Variants in PTH2R observed in about 807,000 individuals in gnomAD.
The protein encoded by PTH2R is parathyroid hormone 2 receptor.
In PTH2R, 59 loss-of-function variants were observed where a neutral mutation model predicts 60.3. That is an observed-to-expected ratio of 0.98 (90% confidence interval 0.79 to 1.22). The LOEUF (loss-of-function observed/expected upper bound fraction) is 1.22, where lower values mean the gene tolerates loss of function less well. Ranked by LOEUF, PTH2R falls within the 50% of genes most tolerant of loss-of-function variation. PTH2R has a pLI of 0.00. For missense variants in PTH2R, 749 were observed against 682.6 expected, an observed-to-expected ratio of 1.10 and a Z score of -1.08; for synonymous variants, 256 against 243.8, an observed-to-expected ratio of 1.05 and a Z score of -0.47.
chr2:208,395,841 C>T (rs1410655830), intron 1 of PTH2R, among the ~76,000 whole-genome samples: 1 of 152,118 alleles, frequency 6.6e-6, no homozygotes, highest in African/African-American at 2.4e-5. Context: ...AAAAAAGAGC[C>T]CATATAGGCA....
chr2:208,398,857 A>G (rs1701257945), intron 1 of PTH2R, among the ~76,000 whole-genome samples: 1 of 152,184 alleles, frequency 6.6e-6, no homozygotes, highest in Non-Finnish European at 1.5e-5. Flanking sequence ...CCCAAACTTG[A>G]CTCAGAATTC....
At chr2:208,374,641 T>A (rs1454683554) in intron 1 of PTH2R, among the ~76,000 whole-genome samples, 1 of 152,036 alleles carries the variant, frequency 6.6e-6, no homozygotes, top group African/African-American at 2.4e-5. Flanking sequence ...TAGCTGGGAT[T>A]ACAGGCACCC....
intron 1 of PTH2R, among the ~76,000 whole-genome samples, chr2:208,389,898 T>A (rs960569562): frequency 6.6e-6 from 1 of 152,158 alleles, no homozygotes; most frequent in Non-Finnish European, 1.5e-5. Context: ...TGGATGTTTG[T>A]TGGAAAGTAA....
chr2:208,416,188 G>T (rs1701637576), intron 1 of PTH2R, among the ~76,000 whole-genome samples: 1 of 152,108 alleles, frequency 6.6e-6, no homozygotes, highest in Non-Finnish European at 1.5e-5. Context: ...TTGAGAAAAT[G>T]ACTAATTTAG....
intron 1 of PTH2R, among the ~76,000 whole-genome samples, chr2:208,426,729 C>T (rs758643822): frequency 2.6e-5 from 4 of 152,178 alleles, no homozygotes; most frequent in Non-Finnish European, 5.9e-5. Context: ...GAAGAAGGTG[C>T]CTCCTTCTCC....
chr2:208,438,194 G>A (rs1471958462), intron 4 of PTH2R, among the ~76,000 whole-genome samples: 1 of 152,096 alleles, frequency 6.6e-6, no homozygotes, highest in Non-Finnish European at 1.5e-5. Flanking sequence ...CCAATAGGTG[G>A]TTAGTAACAT....
chr2:208,367,841 A>G lies in PTH2R; in HGVS notation c.-259+7604A>G, dbSNP rs561942507. ...CTGCTACTTTGCAACCAAAGCAAAC[A>G]GGGTGCTCTTCTGGACTCCCTTACT... On this transcript the variant is annotated intron_variant, in intron 1 of 12. Coordinates refer to the PTH2R transcript ENST00000617735. 1.3e-3 allele frequency among the ~76,000 whole-genome samples: 201 copies of G among 152,308 alleles called. 1 individual carries two copies. The highest frequency in any genetic ancestry group is 2.5e-3 in the Non-Finnish European group (170 of 68,026).
At chr2:208,420,781 T>A (rs80292865) in intron 1 of PTH2R, among the ~76,000 whole-genome samples, 7 of 152,348 alleles carry the variant, frequency 4.6e-5, no homozygotes, top group Admixed American at 2.0e-4. Flanking sequence ...CTCTGTCTTA[T>A]GCAGATTCCA....
At chr2:208,375,326 G>A (rs1700773799) in intron 1 of PTH2R, among the ~76,000 whole-genome samples, 1 of 152,040 alleles carries the variant, frequency 6.6e-6, no homozygotes, top group African/African-American at 2.4e-5. Flanking sequence ...CCTTGAGAAG[G>A]GAACAGGCTG....
rs145747331 is a variant in PTH2R at position 208,493,449 on chromosome 2, C to T, written c.1443C>T (p.Ile481=). ...MVLISGKAAK[I]ASRQPDSHIT... ...TTATCTCTGGCAAAGCTGCCAAGAT[C>T]GCCAGCAGACAGCCTGACAGCCACA... The change falls in exon 13 of 13, where the codon ATC becomes ATT. Residue 481 remains isoleucine, a synonymous_variant. Coordinates refer to ENST00000272847, the MANE Select transcript of PTH2R (RefSeq NM_005048.4). 1,488 of 1,609,690 alleles carry T rather than the reference C, an allele frequency of 9.2e-4. 4 individuals carry two copies. The highest frequency in any genetic ancestry group is 7.0e-3 in the African/African-American group (526 of 75,000).
chr2:208,394,724 A>G (rs1480005331), intron 1 of PTH2R, among the ~76,000 whole-genome samples: 1 of 152,176 alleles, frequency 6.6e-6, no homozygotes, highest in Non-Finnish European at 1.5e-5. Context: ...TGAACTCTAT[A>G]TCCTGTTATT....
intron 1 of PTH2R, among the ~76,000 whole-genome samples, chr2:208,401,396 T>C (rs1263115861): frequency 6.6e-6 from 1 of 152,014 alleles, no homozygotes; most frequent in African/African-American, 2.4e-5. Context: ...GCCTTCCCAC[T>C]ACTATCAACA....
chr2:208,446,712 C>T (rs919036346), intron 7 of PTH2R, among the ~76,000 whole-genome samples: 5 of 152,152 alleles, frequency 3.3e-5, no homozygotes, highest in Admixed American at 1.3e-4. Flanking sequence ...ATTCTCTGCT[C>T]CTAAAACACA....
chr2:208,462,501 C>G (rs921737391), intron 9 of PTH2R, among the ~76,000 whole-genome samples: 1 of 151,990 alleles, frequency 6.6e-6, no homozygotes, highest in Non-Finnish European at 1.5e-5. Flanking sequence ...CCAGTGGCAC[C>G]GGTTCAGAGG....
chr2:208,471,504 G>C (rs1702879461), intron 9 of PTH2R, among the ~76,000 whole-genome samples: 1 of 152,216 alleles, frequency 6.6e-6, no homozygotes, highest in Non-Finnish European at 1.5e-5. Flanking sequence ...CCCAAGCCTT[G>C]GCAGCTTCCA....
intron 1 of PTH2R, among the ~76,000 whole-genome samples, chr2:208,377,543 G>A (rs982747317): frequency 6.8e-6 from 1 of 146,260 alleles, no homozygotes; most frequent in African/African-American, 2.6e-5. Flanking sequence ...GCCGGGCGGG[G>A]GCTGACCCCC....
At chr2:208,360,248 C>T (rs1401259170) in intron 1 of PTH2R, 6 of 437,384 alleles carry the variant, frequency 1.4e-5, no homozygotes, top group Admixed American at 2.5e-5. Context: ...GTAAGAAGAG[C>T]GCCCCACTTG....
chr2:208,400,905 CTGTT>C (rs1466306246), intron 1 of PTH2R, among the ~76,000 whole-genome samples: 1 of 152,114 alleles, frequency 6.6e-6, no homozygotes. Context: ...CATAAAAGCT[CTGTT>C]TGTGGAGAGA....
In PTH2R at chr2:208,385,525, C is replaced by G. The variant is rs148385285; in HGVS notation, c.-259+25288C>G. 2.6e-3 allele frequency among the ~76,000 whole-genome samples: 397 copies of G among 152,230 alleles called. 1 individual carries two copies. The highest frequency in any genetic ancestry group is 8.7e-3 in the African/African-American group (362 of 41,532). On this transcript the variant is annotated intron_variant, in intron 1 of 12. Transcript: ENST00000617735. ...ATTTCCACTTCTAGACTTTGCTGCA[C>G]AAAGATCTGTGGTCATCTAGGAGAA...
Sources: gnomAD v4.1 joint callset for allele counts (sites outside exome capture counted in the v4.1 genomes callset) on GRCh38, gnomAD v4.1.1 for gene constraint, MANE v1.5 for transcripts, NCBI Gene and HGNC (gene_info 2026-07-23, HGNC 2026-07-21) for gene names.